NTM: variants seen among roughly 807,000 people sequenced by gnomAD.
NTM encodes the protein neurotrimin.
In NTM, 13 loss-of-function variants were observed where a neutral mutation model predicts 42.1. That is an observed-to-expected ratio of 0.31 (90% CI 0.20 to 0.49). NTM has a LOEUF of 0.49. NTM is among the 20% of genes least tolerant of loss of function. The pLI is 0.99. For synonymous variants in NTM, 187 were observed against 179.2 expected, an observed-to-expected ratio of 1.04 and a Z score of -0.35; for missense variants, 373 against 452.8, an observed-to-expected ratio of 0.82 and a Z score of 1.60.
intron 1 of NTM, among the ~76,000 whole-genome samples, chr11:131,449,567 C>A (rs1297474918): frequency 2.0e-5 from 3 of 152,162 alleles, no homozygotes; most frequent in African/African-American, 7.2e-5. Context: ...GGCTGCACAG[C>A]CAGATGGTGA....
chr11:131,761,525 C>T (rs2084173113), intron 1 of NTM, among the ~76,000 whole-genome samples: 3 of 152,020 alleles, frequency 2.0e-5, no homozygotes, highest in Non-Finnish European at 1.5e-5. Context: ...AGGAGAAAGC[C>T]GGGCACGGTG....
At chr11:132,330,567 T>TTCTA (rs1285163606) in intron 8 of NTM, among the ~76,000 whole-genome samples, 1 of 152,176 alleles carries the variant, frequency 6.6e-6, no homozygotes, top group African/African-American at 2.4e-5. Flanking sequence ...GCACCATTCT[T>TTCTA]TCTATCTCTC....
intron 1 of NTM, among the ~76,000 whole-genome samples, chr11:131,807,537 G>A (rs2092560061): frequency 6.6e-6 from 1 of 152,168 alleles, no homozygotes; most frequent in Non-Finnish European, 1.5e-5. Flanking sequence ...TATTATTTGT[G>A]CTTGGTTTCA....
At chr11:131,855,017 C>A (rs1263320477) in intron 1 of NTM, among the ~76,000 whole-genome samples, 2 of 152,110 alleles carry the variant, frequency 1.3e-5, no homozygotes, top group Non-Finnish European at 2.9e-5. Flanking sequence ...ATGTGTGGGA[C>A]CGGTGCTGAT....
chr11:131,510,856 G>T (rs1321256590), intron 1 of NTM, among the ~76,000 whole-genome samples: 2 of 152,134 alleles, frequency 1.3e-5, no homozygotes, highest in Non-Finnish European at 2.9e-5. Context: ...GGCTTGGGTG[G>T]GTCTGCACGG....
chr11:132,013,278 A>G (rs494079), intron 2 of NTM, among the ~76,000 whole-genome samples: 32,099 of 152,046 alleles, frequency 0.21, 3,896 homozygotes, highest in African/African-American at 0.34. Context: ...AAGAAACCTA[A>G]AAGAAAAGAT....
chr11:131,484,038 G>A (rs1478570786), intron 1 of NTM, among the ~76,000 whole-genome samples: 1 of 152,188 alleles, frequency 6.6e-6, no homozygotes, highest in Admixed American at 6.5e-5. Flanking sequence ...CTTTGTCGGA[G>A]ACAACAAAAC....
intron 4 of NTM, among the ~76,000 whole-genome samples, chr11:132,286,845 G>A (rs557933122): frequency 2.0e-5 from 3 of 152,094 alleles, no homozygotes; most frequent in Non-Finnish European, 2.9e-5. Context: ...AGGAAGCTCC[G>A]CCATCTGTTC....
chr11:132,103,802 C>T (rs1566167967), intron 2 of NTM, among the ~76,000 whole-genome samples: 2 of 152,138 alleles, frequency 1.3e-5, no homozygotes, highest in African/African-American at 4.8e-5. Context: ...AAAGGTCTTC[C>T]CAGGCTGGAG....
chr11:131,513,704 A>T (rs1427100585), intron 1 of NTM, among the ~76,000 whole-genome samples: 1 of 152,232 alleles, frequency 6.6e-6, no homozygotes, highest in Non-Finnish European at 1.5e-5. Flanking sequence ...AATATTGATT[A>T]TACAGGGGCC....
At chr11:131,463,609 C>T (rs1346529026) in intron 1 of NTM, among the ~76,000 whole-genome samples, 1 of 152,206 alleles carries the variant, frequency 6.6e-6, no homozygotes, top group Non-Finnish European at 1.5e-5. Flanking sequence ...ATACATTTAT[C>T]AAAAATAAAT....
intron 2 of NTM, among the ~76,000 whole-genome samples, chr11:132,015,438 G>A (rs951566132): frequency 6.6e-6 from 1 of 151,638 alleles, no homozygotes; most frequent in Non-Finnish European, 1.5e-5. Context: ...AAATGCCATT[G>A]GTGTTTTCGC....
chr11:132,013,018 A>T (rs992425380), intron 2 of NTM, among the ~76,000 whole-genome samples: 1 of 152,142 alleles, frequency 6.6e-6, no homozygotes, highest in Non-Finnish European at 1.5e-5. Flanking sequence ...ATCTAATTGG[A>T]ATTGTTCATG....
chr11:131,538,869 A>G (rs530752160), intron 1 of NTM, among the ~76,000 whole-genome samples: 2 of 150,132 alleles, frequency 1.3e-5, no homozygotes, highest in Admixed American at 6.6e-5. Flanking sequence ...TAAATTTCAA[A>G]TGTTCTCACC....
intron 1 of NTM, among the ~76,000 whole-genome samples, chr11:131,686,217 G>A (rs1023752443): frequency 6.6e-6 from 1 of 152,134 alleles, no homozygotes; most frequent in African/African-American, 2.4e-5. Context: ...GCGGTGGTTG[G>A]GGGTGCCGAC....
intron 2 of NTM, among the ~76,000 whole-genome samples, chr11:131,941,986 T>G (rs1396943986): frequency 6.6e-6 from 1 of 152,212 alleles, no homozygotes; most frequent in Non-Finnish European, 1.5e-5. Flanking sequence ...TTGCTTCCTT[T>G]TCCTCTTTTC....
Position 131,591,612 on chromosome 11 carries a change from G to A in NTM, c.82+220724G>A, listed in dbSNP as rs556253132. ...AGCCAAGGCTTGAGATTTGCTCCCCGAAAGGGTCACTGATAAAGAAAACCC... is the reference window on the plus strand; with the variant it reads ...AGCCAAGGCTTGAGATTTGCTCCCCAAAAGGGTCACTGATAAAGAAAACCC... On this transcript the variant is annotated intron_variant, in intron 1 of 8. Transcript: ENST00000683400. Among the ~76,000 whole-genome samples, 9 of 152,320 alleles carry A rather than the reference G, an allele frequency of 5.9e-5. No homozygotes were observed. In the South Asian group the frequency reaches 1.2e-3, roughly 21 times the overall value.
intron 1 of NTM, among the ~76,000 whole-genome samples, chr11:131,429,447 T>C (rs889958809): frequency 6.6e-6 from 1 of 152,132 alleles, no homozygotes; most frequent in African/African-American, 2.4e-5. Context: ...TTCACAGTCA[T>C]TTAGGAACCC....
chr11:131,906,494 G>GTATC (rs2053872162), intron 1 of NTM, among the ~76,000 whole-genome samples: 2 of 152,190 alleles, frequency 1.3e-5, no homozygotes, highest in South Asian at 4.2e-4. Context: ...CCTTCTGAAT[G>GTATC]TATCATTCTG....
Sources: allele counts gnomAD v4.1 joint callset (sites outside exome capture counted in the v4.1 genomes callset), GRCh38; gene constraint gnomAD v4.1.1; transcripts MANE v1.5; gene names NCBI Gene and HGNC (gene_info 2026-07-23, HGNC 2026-07-21).